Variants in GNB4 observed in about 807,000 individuals in gnomAD.
GNB4 encodes the protein guanine nucleotide-binding protein subunit beta-4.
Under a neutral mutation model 45.2 loss-of-function variants are expected in GNB4, and 28 were observed. The observed-to-expected ratio is 0.62, with a 90% CI of 0.46 to 0.85. The LOEUF (loss-of-function observed/expected upper bound fraction) is 0.85, where lower values mean the gene tolerates loss of function less well. Among genes scored for constraint, GNB4 ranks in the 40% least tolerant of loss-of-function variants. GNB4 has a pLI of 0.00. For missense variants in GNB4, 321 were observed against 425.4 expected, an observed-to-expected ratio of 0.75 and a Z score of 2.16; for synonymous variants, 132 against 143.7, an observed-to-expected ratio of 0.92 and a Z score of 0.58.
the GNB4 span, among the ~76,000 whole-genome samples, chr3:179,471,288 A>C: frequency 6.6e-6 from 1 of 152,172 alleles, no homozygotes; most frequent in Non-Finnish European, 1.5e-5. Flanking sequence ...ATAAGTCTGT[A>C]GTAGTGCACA....
the GNB4 span, among the ~76,000 whole-genome samples, chr3:179,524,558 G>T: frequency 6.6e-6 from 1 of 152,190 alleles, no homozygotes; most frequent in Non-Finnish European, 1.5e-5. Flanking sequence ...GGTGAATTAA[G>T]TCCTGTTGTG....
the GNB4 span, among the ~76,000 whole-genome samples, chr3:179,494,262 GAAGAAAGAAAGAAAGAGA>G: frequency 5.3e-5 from 8 of 149,848 alleles, no homozygotes; most frequent in South Asian, 2.1e-4. Flanking sequence ...AAGAAGAAAG[GAAGAAAGAAAGAAAGAGA>G]AAGAAAGAAA....
chr3:179,426,952 T>C (rs1268116619), intron 1 of GNB4, among the ~76,000 whole-genome samples: 1 of 152,064 alleles, frequency 6.6e-6, no homozygotes, highest in Non-Finnish European at 1.5e-5. Flanking sequence ...AAACTCTATC[T>C]TGACCCACAG....
At chr3:179,524,654 A>G in the GNB4 span, among the ~76,000 whole-genome samples, 1 of 151,734 alleles carries the variant, frequency 6.6e-6, no homozygotes, top group African/African-American at 2.4e-5. Flanking sequence ...TGAGAATAAG[A>G]CGGCCTTCTG....
Position 179,402,167 on chromosome 3 carries a change from C to CA in GNB4, c.917-849dup, listed in dbSNP as rs963249397. ...AATTTACCATTATGAGTTGAAATAA[C>CA]AAAAAAAATGAACATTGTGGCTAAA... is the stretch of plus-strand genomic sequence containing the variant. On this transcript the variant is annotated intron_variant, in intron 9 of 9. Transcript: ENST00000232564. Among the ~76,000 whole-genome samples, 7 of 151,754 alleles carry CA rather than the reference C, an allele frequency of 4.6e-5. No homozygotes were observed. In the South Asian group the frequency reaches 8.3e-4, roughly 18 times the overall value.
the GNB4 span, among the ~76,000 whole-genome samples, chr3:179,507,554 C>T: frequency 1.3e-5 from 2 of 152,154 alleles, no homozygotes; most frequent in African/African-American, 4.8e-5. Context: ...TTGAAAAATC[C>T]GTAGTTGTTG....
the GNB4 span, among the ~76,000 whole-genome samples, chr3:179,499,721 AT>A: frequency 6.6e-6 from 1 of 152,204 alleles, no homozygotes; most frequent in Non-Finnish European, 1.5e-5. Flanking sequence ...GTGTAAAAGC[AT>A]TCCCATTTCT....
Position 179,401,322 on chromosome 3 carries a change from GAAAAA to G in GNB4, c.917-8_917-4del. ...GTTGTCATGACCAGCAAGGACACCT[GAAAAA>G]AAAATTCAGTAAAAAATTGGCAATT... is the stretch of plus-strand genomic sequence containing the variant. On this transcript the variant is annotated splice_region_variant and splice_polypyrimidine_tract_variant and intron_variant, in intron 9 of 9. Coordinates refer to ENST00000232564, the MANE Select transcript of GNB4 (RefSeq NM_021629.4). 1 of 1,587,292 alleles carries G rather than the reference GAAAAA, an allele frequency of 6.3e-7. No individual in the cohort carries two copies. The highest frequency in any genetic ancestry group is 8.6e-7 in the Non-Finnish European group (1 of 1,164,980).
At chr3:179,486,938 T>C in the GNB4 span, among the ~76,000 whole-genome samples, 9 of 152,176 alleles carry the variant, frequency 5.9e-5, no homozygotes, top group Non-Finnish European at 1.2e-4. Context: ...AAAATAATCG[T>C]AAACTTCTTT....
the GNB4 span, among the ~76,000 whole-genome samples, chr3:179,480,842 T>G: frequency 1.2e-5 from 1 of 83,666 alleles, no homozygotes. Context: ...ACTGATTTCA[T>G]TTTTTTTTTT....
At chr3:179,419,225 T>A (rs1280840855) in intron 4 of GNB4, among the ~76,000 whole-genome samples, 174 bp downstream of exon 4, 1 of 152,258 alleles carries the variant, frequency 6.6e-6, no homozygotes, top group Admixed American at 6.5e-5. Context: ...ATGTTTATAC[T>A]TTTAAAGAGT....
At chr3:179,468,035 A>ATATATATATATATATATATATATAT in the GNB4 span, among the ~76,000 whole-genome samples, 1 of 89,856 alleles carries the variant, frequency 1.1e-5, no homozygotes, top group Non-Finnish European at 2.4e-5. Context: ...TGTTGATAAA[A>ATATATATATATATATATATATATAT]ATATATATAT....
At chr3:179,455,115 A>G (rs1175265237), upstream of GNB4, among the ~76,000 whole-genome samples, 1 of 152,106 alleles carries the variant, frequency 6.6e-6, no homozygotes, top group Non-Finnish European at 1.5e-5. Flanking sequence ...GCTTTTGTTT[A>G]TTTCCACTCA....
chr3:179,450,898 T>C (rs1715851784), intron 1 of GNB4: 1 of 152,172 alleles, frequency 6.6e-6, no homozygotes, highest in Non-Finnish European at 1.5e-5. Context: ...GCGTAGAACT[T>C]TTATGAGTCT....
At chr3:179,483,485 C>G in the GNB4 span, among the ~76,000 whole-genome samples, 2 of 152,022 alleles carry the variant, frequency 1.3e-5, no homozygotes, top group Non-Finnish European at 2.9e-5. Flanking sequence ...ATAGCTGAGC[C>G]TCAAATTTCA....
chr3:179,461,747 AT>A, the GNB4 span, among the ~76,000 whole-genome samples: 2 of 152,164 alleles, frequency 1.3e-5, no homozygotes, highest in East Asian at 3.8e-4. Flanking sequence ...CTACTATGAC[AT>A]TTTGTATATT....
chr3:179,525,565 C>A, the GNB4 span, among the ~76,000 whole-genome samples: 1 of 152,080 alleles, frequency 6.6e-6, no homozygotes, highest in Non-Finnish European at 1.5e-5. Context: ...GGTGAATGAC[C>A]AAGGAGGTGT....
intron 1 of GNB4, among the ~76,000 whole-genome samples, chr3:179,432,926 G>A (rs1386375827): frequency 6.6e-6 from 1 of 152,148 alleles, no homozygotes; most frequent in Admixed American, 6.5e-5. Flanking sequence ...TGGAGGGGGG[G>A]TGGAAATTGG....
chr3:179,417,545 T>C (rs1009565181), intron 4 of GNB4, among the ~76,000 whole-genome samples: 1 of 151,998 alleles, frequency 6.6e-6, no homozygotes, highest in Admixed American at 6.6e-5. Context: ...ATAGCTGGCA[T>C]AACAGGTGTG....
Sources: allele counts gnomAD v4.1 joint callset (sites outside exome capture counted in the v4.1 genomes callset), GRCh38; gene constraint gnomAD v4.1.1; transcripts MANE v1.5; gene names NCBI Gene and HGNC (gene_info 2026-07-23, HGNC 2026-07-21).